PREX1: variants seen among roughly 807,000 people sequenced by gnomAD.
PREX1 encodes the protein phosphatidylinositol 3,4,5-trisphosphate-dependent Rac exchanger 1 protein.
A neutral mutation model predicts 198.3 loss-of-function variants in PREX1; 41 were observed. The observed-to-expected ratio is 0.21, with a 90% CI of 0.16 to 0.27. PREX1 has a LOEUF of 0.27. Among genes scored for constraint, PREX1 ranks in the 10% least tolerant of loss-of-function variants. The probability of loss-of-function intolerance (pLI) is 1.00; values close to 1 mark genes in which losing one functional copy is unlikely to be tolerated. For missense variants in PREX1, 1,620 were observed against 2,200.7 expected, an observed-to-expected ratio of 0.74 and a Z score of 5.28; for synonymous variants, 843 against 887.2, an observed-to-expected ratio of 0.95 and a Z score of 0.89.
At chr20:48,859,402 A>G in the PREX1 span, among the ~76,000 whole-genome samples, 2 of 152,174 alleles carry the variant, frequency 1.3e-5, no homozygotes, top group African/African-American at 4.8e-5. Context: ...AAAATGCCCC[A>G]TGAAGATTCT....
In PREX1 at chr20:48,771,087, A is replaced by C. The variant is rs141130989; in HGVS notation, c.220-23207T>G. Among the ~76,000 whole-genome samples the C allele has an allele frequency of 4.1e-3, 629 of 152,220 alleles. 1 individual carries two copies. The highest frequency in any genetic ancestry group is 0.014 in the African/African-American group (599 of 41,550). ...AAAACTGGAAATCACACATTCTGACAGTGCCCACTGTCAATATTTCAACAT... is the reference window on the plus strand; with the variant it reads ...AAAACTGGAAATCACACATTCTGACCGTGCCCACTGTCAATATTTCAACAT... On this transcript the variant is annotated intron_variant, in intron 1 of 39. Transcript: ENST00000371941.
At chr20:48,874,841 C>T in the PREX1 span, among the ~76,000 whole-genome samples, 47 of 151,362 alleles carry the variant, frequency 3.1e-4, no homozygotes, top group African/African-American at 1.1e-3. Context: ...CACACCACTG[C>T]ACTCCACCCT....
At chr20:48,838,947 A>C in the PREX1 span, among the ~76,000 whole-genome samples, 1 of 148,318 alleles carries the variant, frequency 6.7e-6, no homozygotes, top group Non-Finnish European at 1.5e-5. Flanking sequence ...AATTGCTTGA[A>C]ACCAGGAGGT....
At chr20:48,745,612 G>A (rs1024619960) in intron 2 of PREX1, among the ~76,000 whole-genome samples, 4 of 152,166 alleles carry the variant, frequency 2.6e-5, no homozygotes, top group South Asian at 2.1e-4. Context: ...TTAAAATGAC[G>A]TGGTAGAAGA....
intron 17 of PREX1, 128 bp downstream of exon 17, chr20:48,658,008 C>A (rs2089558570): frequency 1.1e-6 from 1 of 920,988 alleles, no homozygotes; most frequent in Non-Finnish European, 1.7e-6. Flanking sequence ...TCCACGTGAG[C>A]AATGAGAGAA....
chr20:48,752,698 T>C (rs930088898), intron 1 of PREX1, among the ~76,000 whole-genome samples: 2 of 152,158 alleles, frequency 1.3e-5, no homozygotes, highest in Non-Finnish European at 2.9e-5. Flanking sequence ...CTTTCTTGGC[T>C]GCCTTCTCCT....
intron 29 of PREX1, among the ~76,000 whole-genome samples, chr20:48,640,340 C>CT (rs1263851344): frequency 6.6e-6 from 1 of 152,226 alleles, no homozygotes; most frequent in Non-Finnish European, 1.5e-5. Context: ...AGTGACATGC[C>CT]TTAAGTCATG....
At chr20:48,854,113 C>T in the PREX1 span, among the ~76,000 whole-genome samples, 1 of 152,238 alleles carries the variant, frequency 6.6e-6, no homozygotes, top group African/African-American at 2.4e-5. Flanking sequence ...GGTCCAGCTG[C>T]TGGGCTGAGT....
In PREX1 at chr20:48,718,104, C is replaced by G. The variant is rs1472019162; in HGVS notation, c.621+8186G>C. ...CTAAGTTACAACCACCCTACTCACT[C>G]GTTTCCTGCACGTGCCCTGCAGGTA... On this transcript the variant is annotated intron_variant, in intron 5 of 39. Coordinates refer to ENST00000371941, the MANE Select transcript of PREX1 (RefSeq NM_020820.4). 3.3e-5 allele frequency among the ~76,000 whole-genome samples: 5 copies of G among 152,208 alleles called. No individual in the cohort carries two copies. In the East Asian group the frequency reaches 9.6e-4, roughly 29 times the overall value.
chr20:48,627,258 G>A (rs2089279755), intron 39 of PREX1, among the ~76,000 whole-genome samples: 1 of 151,852 alleles, frequency 6.6e-6, no homozygotes, highest in African/African-American at 2.4e-5. Flanking sequence ...CACGGGGCGG[G>A]GGCTCAGGGC....
At chr20:48,759,773 G>A (rs2090171221) in intron 1 of PREX1, among the ~76,000 whole-genome samples, 1 of 151,994 alleles carries the variant, frequency 6.6e-6, no homozygotes, top group African/African-American at 2.4e-5. Context: ...CACTTGAATG[G>A]TCCCTGGTGC....
chr20:48,768,659 T>C (rs2090220098), intron 1 of PREX1, among the ~76,000 whole-genome samples: 1 of 151,776 alleles, frequency 6.6e-6, no homozygotes, highest in African/African-American at 2.4e-5. Flanking sequence ...CCAGGCATGG[T>C]GGCTACTCAG....
At chr20:48,714,679 AG>A (rs2089953749) in intron 5 of PREX1, among the ~76,000 whole-genome samples, 4 of 152,402 alleles carry the variant, frequency 2.6e-5, no homozygotes, top group African/African-American at 7.2e-5. Context: ...ATGCTGCAGC[AG>A]CTTAGGAAAG....
chr20:48,736,456 C>T (rs532927123), intron 3 of PREX1, among the ~76,000 whole-genome samples: 2 of 152,230 alleles, frequency 1.3e-5, no homozygotes, highest in East Asian at 3.8e-4. Flanking sequence ...ACTCACTCAT[C>T]AAGTATCTGC....
chr20:48,749,891 T>C (rs1487600012), intron 1 of PREX1, among the ~76,000 whole-genome samples: 1 of 151,898 alleles, frequency 6.6e-6, no homozygotes, highest in African/African-American at 2.4e-5. Context: ...ACCTCCAGCA[T>C]AAATGGGTTA....
At chr20:48,842,514 C>T in the PREX1 span, among the ~76,000 whole-genome samples, 7 of 151,750 alleles carry the variant, frequency 4.6e-5, no homozygotes, top group African/African-American at 7.3e-5. Flanking sequence ...GTCTCTTCCA[C>T]GTGGGTATAT....
intron 5 of PREX1, among the ~76,000 whole-genome samples, chr20:48,711,581 C>T (rs1410562630): frequency 2.0e-5 from 3 of 152,158 alleles, no homozygotes; most frequent in African/African-American, 7.2e-5. Context: ...CAACCCATCA[C>T]CCGTTTTTGT....
chr20:48,734,756 G>T, intron 3 of PREX1, 106 bp from the exon 4 acceptor site: 3 of 875,114 alleles, frequency 3.4e-6, no homozygotes, highest in Non-Finnish European at 5.5e-6. Flanking sequence ...GGACTACCCT[G>T]ACCCAGGAGA....
At chr20:48,870,719 A>C in the PREX1 span, among the ~76,000 whole-genome samples, 1 of 151,358 alleles carries the variant, frequency 6.6e-6, no homozygotes, top group African/African-American at 2.4e-5. Context: ...AGGCCAAAGC[A>C]GGCAGGTCAC....
Sources: gnomAD v4.1 joint callset for allele counts (sites outside exome capture counted in the v4.1 genomes callset) on GRCh38, gnomAD v4.1.1 for gene constraint, MANE v1.5 for transcripts, NCBI Gene and HGNC (gene_info 2026-07-23, HGNC 2026-07-21) for gene names.